Variants in FAT2 observed in about 807,000 individuals in gnomAD.
The protein encoded by FAT2 is FAT atypical cadherin 2.
FAT2 carries 150 observed loss-of-function variants against 295.3 expected under a neutral mutation model. That is an observed-to-expected ratio of 0.51 (90% CI 0.44 to 0.58). The LOEUF (loss-of-function observed/expected upper bound fraction) is 0.58. FAT2 is among the 20% of genes least tolerant of loss of function. The pLI is 0.00. For synonymous variants in FAT2, 2,026 were observed against 2,150.3 expected (o/e 0.94, Z 1.60); for missense variants, 4,868 against 5,442.7 (o/e 0.89, Z 3.32).
At chr5:151,572,107 C>T (rs1014292133) in intron 1 of FAT2, among the ~76,000 whole-genome samples, 1 of 152,212 alleles carries the variant, frequency 6.6e-6, no homozygotes, top group African/African-American at 2.4e-5. Context: ...CCCTCTTTAT[C>T]ACTTTGCCCT....
chr5:151,584,294 C>A lies in FAT2; in HGVS notation c.-21+6871G>T, dbSNP rs144190702. On this transcript the variant is annotated intron_variant, in intron 1 of 23. Coordinates refer to ENST00000261800, the MANE Select transcript of FAT2 (RefSeq NM_001447.3). ...CCTGCCCGGCCTGCCCACACAGAAC[C>A]GCGAGGACAATGGCAAGCCCACTTT... Among the ~76,000 whole-genome samples the A allele has an allele frequency of 7.2e-5, 11 of 152,228 alleles. No homozygotes were observed. The East Asian group carries it at 2.1e-3, about 29-fold the overall frequency.
rs758231327 is a variant in FAT2, at chr5:151,543,245, C to T, written c.7882G>A (p.Asp2628Asn). 15 of 1,614,058 alleles carry T rather than the reference C, an allele frequency of 9.3e-6. No individual in the cohort carries two copies. Among genetic ancestry groups the T allele is most frequent in the Non-Finnish European group, 2.5e-6 (3 of 1,180,036 alleles). ...ATTTCAATGACATCTTTAACTAGGT[C>T]CTCTGGGTTCACTGAGTAGGTGACA... ...ADVTYSVNPE[D>N]LVKDVIEINP... The change falls in exon 10 of 24, where the codon GAC (aspartate) becomes AAC (asparagine). Residue 2628 changes from aspartate (D) to asparagine (N), a missense_variant. Around this residue, in one of 5 missense-constraint regions of FAT2, gnomAD observed 3,297 missense variants for 3,669.4 expected, o/e 0.90. Transcript: ENST00000261800.
chr5:151,565,849 T>C lies in FAT2; in HGVS notation c.3083A>G (p.His1028Arg). The C allele has an allele frequency of 2.5e-6, 4 of 1,613,050 alleles. No homozygotes were observed. Among genetic ancestry groups the C allele is most frequent in the Non-Finnish European group, 3.4e-6 (4 of 1,179,804 alleles). Residue 1028 changes from histidine to arginine, a missense_variant, in exon 2 of 24, where the codon CAC becomes CGC. Around this residue, in one of 5 missense-constraint regions of FAT2, gnomAD observed 3,297 missense variants for 3,669.4 expected, o/e 0.90. Transcript: ENST00000261800. ...VIVLDVNENLHPPHFASFVHQ... is the reference protein window; with the variant it reads ...VIVLDVNENLRPPHFASFVHQ... ...CACGAAGGAGGCAAAGTGGGGAGGG[T>C]GGAGATTCTCATTCACATCCAGGAC...
At chr5:151,589,993 C>T (rs1228701778) in intron 1 of FAT2, among the ~76,000 whole-genome samples, 1 of 152,090 alleles carries the variant, frequency 6.6e-6, no homozygotes, top group African/African-American at 2.4e-5. Context: ...GGTAAGAAAC[C>T]GTCCTAGGCC....
chr5:151,513,167 G>A (rs1448154118), intron 20 of FAT2, among the ~76,000 whole-genome samples: 3 of 152,230 alleles, frequency 2.0e-5, no homozygotes, highest in African/African-American at 7.2e-5. Flanking sequence ...AAGTAAATAT[G>A]AGAAGCCAGC....
chr5:151,569,421 A>G (rs929617523), intron 1 of FAT2, among the ~76,000 whole-genome samples: 1 of 152,150 alleles, frequency 6.6e-6, no homozygotes, highest in Non-Finnish European at 1.5e-5. Context: ...GCATGAGAAA[A>G]ACACACCCCC....
chr5:151,511,255 GTGTTGACAGGCATGTCACA>G (rs1262311038), intron 21 of FAT2: 1 of 152,206 alleles, frequency 6.6e-6, no homozygotes, highest in Non-Finnish European at 1.5e-5. Flanking sequence ...GTAATGCGAA[GTGTTGACAGGCATGTCACA>G]TGTTGACAGG....
Position 151,521,895 on chromosome 5 carries a change from A to G in FAT2, c.10698T>C (p.Tyr3566=), listed in dbSNP as rs755065311. 1.4e-5 allele frequency: 22 copies of G among 1,613,776 alleles called. No individual in the cohort carries two copies. Among genetic ancestry groups the G allele is most frequent in the African/African-American group, 2.7e-5 (2 of 74,888 alleles). The change falls in exon 19 of 24, where the codon TAT becomes TAC. Residue 3566 remains tyrosine (Y), a synonymous_variant. Transcript: ENST00000261800. ...CCAGGGTCTCCTCTTCTGCCAGGCT[A>G]TAGGTCAGCGTGTCCTGGGGGTCTC... The part of the protein sequence containing the change: ...TDRDPQDTLT[Y]SLAEEETLGR...
chr5:151,531,848 C>T lies in FAT2; in HGVS notation c.9550G>A (p.Glu3184Lys), dbSNP rs756013891. 2 of 1,614,034 alleles carry T rather than the reference C, an allele frequency of 1.2e-6. No individual in the cohort carries two copies. Among genetic ancestry groups the T allele is most frequent in the Non-Finnish European group, 1.7e-6 (2 of 1,180,022 alleles). Residue 3184 changes from glutamate (E) to lysine (K), a missense_variant, in exon 14 of 24, where the codon GAG becomes AAG. Coordinates refer to ENST00000261800, the MANE Select transcript of FAT2 (RefSeq NM_001447.3). The surrounding 1 kb of genome is among the most constrained non-coding windows in gnomAD (Gnocchi z 5.7). ...AGGTCAGAGGCACGGACCGTGAGCT[C>T]CAGTGGTGCCTGGGGCCTGACCTGC... ...PLQVRPQAPL[E>K]LTVRASDLGT...
In FAT2 at chr5:151,566,756, C is replaced by T. The variant is rs748391379; in HGVS notation, c.2176G>A (p.Glu726Lys). 1 of 1,614,144 alleles carries T rather than the reference C, an allele frequency of 6.2e-7. No individual in the cohort carries two copies. The highest frequency in any genetic ancestry group is 8.5e-7 in the Non-Finnish European group (1 of 1,180,020). The change falls in exon 2 of 24, where the codon GAG becomes AAG. Residue 726 changes from glutamate (E) to lysine (K), a missense_variant. By Grantham distance (56) the Glu-to-Lys change is moderately conservative. Around this residue, in one of 5 missense-constraint regions of FAT2, gnomAD observed 3,297 missense variants for 3,669.4 expected, o/e 0.90. Transcript: ENST00000261800. ...AAGGGGGTGTTGATAGGGACACTCTCAAGGACATCAATGGATTGGGGGAAG... is the reference window on the plus strand; with the variant it reads ...AAGGGGGTGTTGATAGGGACACTCTTAAGGACATCAATGGATTGGGGGAAG... ...DHFPQSIDVL[E>K]SVPINTPLAR... is the part of the protein sequence containing the mutation.
rs1454913767 is a variant in FAT2 at position 151,554,365 on chromosome 5, T to C, written c.3942A>G (p.Leu1314=). ...STFTAGEYNI[L]TIKATDSGQP... The stretch of plus-strand genomic sequence containing the variant: ...TGGCTTCCTTCTGTCTGCTCACCGT[T>C]AGGATGTTGTACTCTCCAGCTGTAA... The change falls in exon 5 of 24, where the codon CTA becomes CTG. Residue 1314 remains leucine, a synonymous_variant. Transcript: ENST00000261800. The C allele has an allele frequency of 6.2e-7, 1 of 1,612,948 alleles. No homozygotes were observed.
chr5:151,519,363 C>A (rs1440695133), intron 19 of FAT2, among the ~76,000 whole-genome samples: 6 of 152,064 alleles, frequency 3.9e-5, no homozygotes, highest in Non-Finnish European at 8.8e-5. Context: ...AACAAAAATC[C>A]AAACAAGTCC....
At chr5:151,517,223 A>T (rs1378730958) in intron 20 of FAT2, among the ~76,000 whole-genome samples, 4 of 152,230 alleles carry the variant, frequency 2.6e-5, no homozygotes, top group African/African-American at 9.6e-5. Flanking sequence ...AATGATTATT[A>T]CAAAGGAAAT....
At position 151,567,156 on chromosome 5, in the gene FAT2, A is replaced by G; in HGVS notation, c.1776T>C (p.Asp592=). ...TCTCGTATTTTAGGTTCTGAAGCTC[A>G]TCCACATCTATGGCTGACATAGTCA... is the stretch of plus-strand genomic sequence containing the variant. The part of the protein sequence containing the change: ...SIMTMSAIDV[D]ELQNLKYEIV... The change falls in exon 2 of 24, where the codon GAT becomes GAC. Residue 592 remains aspartate (D), a synonymous_variant. Transcript: ENST00000261800. 3 of 1,614,218 alleles carry G rather than the reference A, an allele frequency of 1.9e-6. No homozygotes were observed. The East Asian group carries it at 6.7e-5, about 36-fold the overall frequency.
intron 3 of FAT2, among the ~76,000 whole-genome samples, chr5:151,561,985 C>A (rs924974649): frequency 6.6e-6 from 1 of 152,058 alleles, no homozygotes; most frequent in African/African-American, 2.4e-5. Context: ...AGATCTCTTC[C>A]CACTCCTGAA....
At chr5:151,507,655 C>G (rs745440377) in intron 22 of FAT2, 44 bp from the exon 23 acceptor site, 6 of 1,517,900 alleles carry the variant, frequency 4.0e-6, no homozygotes, top group Admixed American at 1.9e-5. Flanking sequence ...TGAAATTGCC[C>G]TTTCCATGTC....
chr5:151,553,172 C>T lies in FAT2; in HGVS notation c.4156+5G>A, dbSNP rs370994434. On this transcript the variant is annotated splice_donor_5th_base_variant and intron_variant, in intron 6 of 23. Coordinates refer to ENST00000261800, the MANE Select transcript of FAT2 (RefSeq NM_001447.3). ...GCCCTTGTTGGGCCCTAGGCCTTGC[C>T]TCACCTGAGATGTTGAACCAGAAGA... 1 of 1,614,194 alleles carries T rather than the reference C, an allele frequency of 6.2e-7. No homozygotes were observed. Among genetic ancestry groups the T allele is most frequent in the Non-Finnish European group, 8.5e-7 (1 of 1,180,006 alleles).
chr5:151,518,968 A>T (rs974160729), intron 19 of FAT2, among the ~76,000 whole-genome samples: 14 of 152,228 alleles, frequency 9.2e-5, no homozygotes, highest in African/African-American at 3.4e-4. Flanking sequence ...CCTAGCAAAG[A>T]GGAATTGTTG....
In FAT2 at chr5:151,584,305, T is replaced by C. The variant is rs1053240421; in HGVS notation, c.-21+6860A>G. Among the ~76,000 whole-genome samples, 15 of 152,236 alleles carry C rather than the reference T, an allele frequency of 9.9e-5. No homozygotes were observed. The East Asian group carries it at 2.3e-3, about 24-fold the overall frequency. The stretch of plus-strand genomic sequence containing the variant: ...TGCCCACACAGAACCGCGAGGACAA[T>C]GGCAAGCCCACTTTCCACAGGGTTC... On this transcript the variant is annotated intron_variant, in intron 1 of 23. Transcript: ENST00000261800.
Sources: gnomAD v4.1 joint callset for allele counts (sites outside exome capture counted in the v4.1 genomes callset) on GRCh38, gnomAD v4.1.1 for gene constraint, gnomAD v4.1.1 regional missense constraint, Gnocchi (gnomAD v3.1) non-coding constraint, MANE v1.5 for transcripts, NCBI Gene and HGNC (gene_info 2026-07-23, HGNC 2026-07-21) for gene names.